ABCC9: variants seen among roughly 807,000 people sequenced by gnomAD.
The protein encoded by ABCC9 is ATP-binding cassette sub-family C member 9.
In ABCC9, 95 loss-of-function variants were observed where a neutral mutation model predicts 188.3. That is an observed-to-expected ratio of 0.50 (90% CI 0.43 to 0.60). The LOEUF (loss-of-function observed/expected upper bound fraction) is 0.60. Ranked by LOEUF, ABCC9 falls within the 20% of genes least tolerant of loss-of-function variation. The pLI, the probability that ABCC9 is intolerant of heterozygous loss-of-function variation, is 0.00. For missense variants in ABCC9, 1,102 were observed against 1,876.3 expected, an observed-to-expected ratio of 0.59 and a Z score of 7.62; for synonymous variants, 659 against 652.7, an observed-to-expected ratio of 1.01 and a Z score of -0.15.
intron 16 of ABCC9, among the ~76,000 whole-genome samples, chr12:21,879,320 A>C (rs1408354643): frequency 6.6e-6 from 1 of 152,190 alleles, no homozygotes; most frequent in East Asian, 1.9e-4. Flanking sequence ...TCAGGCATAC[A>C]GGGAAAGAAT....
intron 30 of ABCC9, among the ~76,000 whole-genome samples, chr12:21,835,203 A>G (rs1475147704): frequency 1.3e-5 from 2 of 152,226 alleles, no homozygotes; most frequent in Non-Finnish European, 2.9e-5. Flanking sequence ...CCATGGAGAT[A>G]TTAACAGAAA....
rs1944773227 is a variant in ABCC9 at position 21,848,048 on chromosome 12, G to A, written c.2866+102C>T. ...ATTACTTGATTTAATTTTTTCCCCT[G>A]GCAAAGTGGCTTATTATTCCTCATG... On this transcript the variant is annotated intron_variant, in intron 25 of 39. Transcript: ENST00000261200. 4 of 986,476 alleles carry A rather than the reference G, an allele frequency of 4.1e-6. No homozygotes were observed. The South Asian group carries it at 4.1e-5, about 10-fold the overall frequency. 61.1% of individuals were successfully genotyped at this position (986,476 alleles called of 1,614,324 possible). A position where few individuals can be genotyped will look rare whatever the true frequency, so the allele number is the denominator to read the frequency against.
intron 31 of ABCC9, among the ~76,000 whole-genome samples, chr12:21,823,006 G>C (rs926603559): frequency 6.6e-6 from 1 of 152,122 alleles, no homozygotes; most frequent in Non-Finnish European, 1.5e-5. Flanking sequence ...AATACTTGGG[G>C]ATCACTAATA....
chr12:21,862,236 G>A (rs1408000519), intron 20 of ABCC9, among the ~76,000 whole-genome samples: 1 of 152,016 alleles, frequency 6.6e-6, no homozygotes, highest in African/African-American at 2.4e-5. Flanking sequence ...ATGCACATAT[G>A]TGAATCTGTA....
chr12:21,827,508 A>AT (rs1170129435), intron 31 of ABCC9: 2 of 147,790 alleles, frequency 1.4e-5, no homozygotes, highest in Admixed American at 7.0e-5. Context: ...TTCATATATG[A>AT]TTTTTTCCCT....
At chr12:21,861,202 C>CA (rs1945487221) in intron 20 of ABCC9, 147 bp from the exon 21 acceptor site, 1 of 698,134 alleles carries the variant, frequency 1.4e-6, no homozygotes, top group East Asian at 2.8e-5. Flanking sequence ...TTTCTGGATA[C>CA]AAAGATACAT....
At chr12:21,871,322 A>G (rs778079398) in intron 18 of ABCC9, among the ~76,000 whole-genome samples, 3 of 152,142 alleles carry the variant, frequency 2.0e-5, no homozygotes, top group Non-Finnish European at 2.9e-5. Context: ...TGAGGTAGCA[A>G]TGTTTCACTG....
rs374910126 is a variant in ABCC9, at chr12:21,817,371, C to A, written c.3772-64G>T. 5.3e-5 allele frequency: 83 copies of A among 1,555,666 alleles called. 1 individual carries two copies. The highest frequency in any genetic ancestry group is 5.3e-4 in the South Asian group (47 of 89,004). ...AAAGTAAGAAGTTGTGGTTAATCAC[C>A]GGAAATTTTGGAACGAGATAACTTG... On this transcript the variant is annotated intron_variant, in intron 32 of 39. Coordinates refer to ENST00000261200, the MANE Select transcript of ABCC9 (RefSeq NM_020297.4).
At chr12:21,814,054 A>G (rs1210430700) in intron 35 of ABCC9, among the ~76,000 whole-genome samples, 1 of 152,156 alleles carries the variant, frequency 6.6e-6, no homozygotes, top group Non-Finnish European at 1.5e-5. Flanking sequence ...AAAAAAGATT[A>G]AGTTATTTCT....
At chr12:21,891,319 C>G (rs1180930187) in intron 14 of ABCC9, among the ~76,000 whole-genome samples, 1 of 152,122 alleles carries the variant, frequency 6.6e-6, no homozygotes, top group Non-Finnish European at 1.5e-5. Context: ...AGAAGTGAGG[C>G]AAGCATTCTA....
At chr12:21,914,094 A>G (rs535740436) in intron 7 of ABCC9, among the ~76,000 whole-genome samples, 14 of 152,304 alleles carry the variant, frequency 9.2e-5, no homozygotes, top group South Asian at 2.1e-4. Flanking sequence ...TTTTCCTGCC[A>G]TTTAATTTCA....
rs180739851 is a variant in ABCC9, at chr12:21,862,980, G to A, written c.2312C>T (p.Thr771Ile). 9.9e-6 allele frequency: 16 copies of A among 1,610,458 alleles called. No individual in the cohort carries two copies. The Admixed American group carries it at 2.5e-4, about 25-fold the overall frequency. Residue 771 changes from threonine (T) to isoleucine (I), a missense_variant, in exon 20 of 40, where the codon ACT becomes ATT. Transcript: ENST00000261200. ...LLNATVEENITFGSPFNKQRY... is the reference protein window; with the variant it reads ...LLNATVEENIIFGSPFNKQRY... ...CTGTTTGTTAAAAGGACTTCCAAAA[G>A]TAATATTTTCTTCTACTGTAGCATT...
intron 12 of ABCC9, among the ~76,000 whole-genome samples, chr12:21,896,533 A>G (rs1398847646): frequency 6.6e-6 from 1 of 152,160 alleles, no homozygotes; most frequent in Non-Finnish European, 1.5e-5. Flanking sequence ...TGCTACACCT[A>G]TTAAGCCCAG....
intron 5 of ABCC9, among the ~76,000 whole-genome samples, chr12:21,922,751 C>CTTTTTTTTTTTTTT (rs143763191): frequency 8.4e-6 from 1 of 119,120 alleles, no homozygotes; most frequent in African/African-American, 3.0e-5. Context: ...TTTTTTTTTT[C>CTTTTTTTTTTTTTT]TTTTTTTTTT....
At position 21,917,392 on chromosome 12, in the gene ABCC9, G is replaced by A. The variant is rs184173947; in HGVS notation, c.407-289C>T. 3.9e-5 allele frequency among the ~76,000 whole-genome samples: 6 copies of A among 152,256 alleles called. No homozygotes were observed. In the East Asian group the frequency reaches 7.7e-4, roughly 20 times the overall value. On this transcript the variant is annotated intron_variant, in intron 5 of 39. Coordinates refer to ENST00000261200, the MANE Select transcript of ABCC9 (RefSeq NM_020297.4). Reference sequence around the variant, plus strand: ...ATAAACTAGACTCTTCAAAATGTACGTGTAAGTCTATAAATTTTAAAAAGT... The same window carrying A: ...ATAAACTAGACTCTTCAAAATGTACATGTAAGTCTATAAATTTTAAAAAGT...
intron 31 of ABCC9, 22 bp downstream of exon 31, chr12:21,828,936 C>G: frequency 3.1e-6 from 5 of 1,599,022 alleles, no homozygotes; most frequent in Non-Finnish European, 4.3e-6. Context: ...GTTTCCATTT[C>G]GAAATCATGA....
rs1451632101 is a variant in ABCC9, at chr12:21,915,836, A to G, written c.648T>C (p.Leu216=). The G allele has an allele frequency of 6.2e-7, 1 of 1,613,472 alleles. No individual in the cohort carries two copies. Among genetic ancestry groups the G allele is most frequent in the Admixed American group, 1.7e-5 (1 of 59,934 alleles). ...EDLQDLGVRF[L]QPFVNLLSKA... Reference sequence around the variant, plus strand: ...TTGACAGCAAATTCACAAATGGTTGAAGAAATCTCACTCCCAGATCCTGGA... The same window carrying G: ...TTGACAGCAAATTCACAAATGGTTGGAGAAATCTCACTCCCAGATCCTGGA... The change falls in exon 7 of 40, where the codon CTT becomes CTC. Residue 216 remains leucine (L), a synonymous_variant. Transcript: ENST00000261200.
At chr12:21,906,437 A>T (rs10160924) in intron 11 of ABCC9, 149 bp from the exon 12 acceptor site, 1 of 721,768 alleles carries the variant, frequency 1.4e-6, no homozygotes, top group Non-Finnish European at 2.2e-6. Context: ...AGGAGAAGCA[A>T]TTAAACCCTT....
chr12:21,903,183 A>G (rs976867342), intron 12 of ABCC9, among the ~76,000 whole-genome samples: 1 of 152,208 alleles, frequency 6.6e-6, no homozygotes, highest in African/African-American at 2.4e-5. Context: ...CAAAAACCAC[A>G]TGATTATCTC....
Sources: allele counts gnomAD v4.1 joint callset (sites outside exome capture counted in the v4.1 genomes callset), GRCh38; gene constraint gnomAD v4.1.1; transcripts MANE v1.5; gene names NCBI Gene and HGNC (gene_info 2026-07-23, HGNC 2026-07-21).